MACROD2: variants seen among roughly 807,000 people sequenced by gnomAD.
The protein encoded by MACROD2 is ADP-ribose glycohydrolase MACROD2.
In MACROD2, 36 loss-of-function variants were observed where a neutral mutation model predicts 70.4. That is an observed-to-expected ratio of 0.51 (90% CI 0.39 to 0.68). MACROD2 has a LOEUF of 0.68. MACROD2 is among the 30% of genes least tolerant of loss of function. MACROD2 has a pLI of 0.00. For missense variants in MACROD2, 496 were observed against 538.4 expected, an observed-to-expected ratio of 0.92 and a Z score of 0.78; for synonymous variants, 172 against 178.8, an observed-to-expected ratio of 0.96 and a Z score of 0.30.
chr20:14,804,963 C>T (rs1477123311), intron 5 of MACROD2, among the ~76,000 whole-genome samples: 3 of 151,558 alleles, frequency 2.0e-5, no homozygotes, highest in Non-Finnish European at 2.9e-5. Context: ...TCTGGTGCCT[C>T]AACAATGAGT....
chr20:14,328,952 T>G (rs531378635), intron 3 of MACROD2: 40 of 152,226 alleles, frequency 2.6e-4, no homozygotes, highest in African/African-American at 9.4e-4. Context: ...GAAATTCTTA[T>G]TGGCTCTTCT....
At chr20:14,778,475 A>G (rs2072260726) in intron 5 of MACROD2, among the ~76,000 whole-genome samples, 1 of 151,926 alleles carries the variant, frequency 6.6e-6, no homozygotes, top group Admixed American at 6.6e-5. Context: ...CAGTGGCCTT[A>G]TCTGAAAAAT....
intron 10 of MACROD2, among the ~76,000 whole-genome samples, chr20:15,911,960 C>T (rs979462808): frequency 3.3e-5 from 5 of 152,146 alleles, no homozygotes; most frequent in African/African-American, 1.2e-4. Context: ...GAGCCGAGAT[C>T]GTGCCATTGC....
chr20:14,667,753 C>A (rs1170907182), intron 4 of MACROD2, among the ~76,000 whole-genome samples: 1 of 152,150 alleles, frequency 6.6e-6, no homozygotes, highest in Admixed American at 6.5e-5. Flanking sequence ...GAAGAATGAA[C>A]AAAACTTTCT....
intron 8 of MACROD2, among the ~76,000 whole-genome samples, chr20:15,682,189 G>A (rs1343365180): frequency 6.6e-6 from 1 of 152,140 alleles, no homozygotes; most frequent in African/African-American, 2.4e-5. Flanking sequence ...GTAGTTCAGG[G>A]GCAGAGCTAA....
chr20:16,034,678 A>G (rs956360258), intron 15 of MACROD2, among the ~76,000 whole-genome samples: 5 of 151,782 alleles, frequency 3.3e-5, no homozygotes, highest in East Asian at 1.9e-4. Context: ...TTATTTTTCC[A>G]TAAGTTATTG....
At chr20:14,804,642 G>A (rs2072616945) in intron 5 of MACROD2, among the ~76,000 whole-genome samples, 1 of 151,960 alleles carries the variant, frequency 6.6e-6, no homozygotes, top group African/African-American at 2.4e-5. Flanking sequence ...CTGACCTGTG[G>A]TGGGGTCTTC....
intron 3 of MACROD2, among the ~76,000 whole-genome samples, chr20:14,254,136 G>T (rs570978117): frequency 6.6e-6 from 1 of 151,814 alleles, no homozygotes; most frequent in Non-Finnish European, 1.5e-5. Context: ...TTTATGAAAC[G>T]AATTTATTTA....
At chr20:15,866,062 T>C (rs1189901804) in intron 9 of MACROD2, among the ~76,000 whole-genome samples, 1 of 152,122 alleles carries the variant, frequency 6.6e-6, no homozygotes, top group East Asian at 1.9e-4. Flanking sequence ...GAAGTTTAAG[T>C]AGGCCAAAGG....
intron 6 of MACROD2, among the ~76,000 whole-genome samples, chr20:15,317,438 T>C (rs1443761014): frequency 1.3e-5 from 2 of 151,930 alleles, no homozygotes; most frequent in Non-Finnish European, 2.9e-5. Context: ...TGTTCTCCAG[T>C]GAAACAGAGC....
intron 4 of MACROD2, among the ~76,000 whole-genome samples, chr20:14,655,374 G>T (rs998881172): frequency 6.6e-6 from 1 of 151,014 alleles, no homozygotes; most frequent in African/African-American, 2.5e-5. Flanking sequence ...GGGTGTGCTT[G>T]TGTGTGTTCC....
At chr20:14,772,066 G>A (rs932168489) in intron 5 of MACROD2, among the ~76,000 whole-genome samples, 2 of 151,906 alleles carry the variant, frequency 1.3e-5, no homozygotes, top group African/African-American at 2.4e-5. Context: ...TTTAAAAAGC[G>A]TCCGCCATCC....
chr20:15,460,662 CA>C (rs1182403164), intron 7 of MACROD2, among the ~76,000 whole-genome samples: 5 of 152,116 alleles, frequency 3.3e-5, no homozygotes, highest in Non-Finnish European at 5.9e-5. Context: ...TTCAGCCCTT[CA>C]AAACCTATGT....
chr20:15,178,624 A>G (rs1169647832), intron 5 of MACROD2, among the ~76,000 whole-genome samples: 1 of 152,184 alleles, frequency 6.6e-6, no homozygotes, highest in Non-Finnish European at 1.5e-5. Flanking sequence ...TCTCTGCATG[A>G]GTCCTTGCTC....
intron 5 of MACROD2, among the ~76,000 whole-genome samples, chr20:15,128,961 C>G (rs562375238): frequency 5.9e-5 from 9 of 151,740 alleles, no homozygotes; most frequent in Non-Finnish European, 1.3e-4. Flanking sequence ...TTTAATGCTT[C>G]CTTCTTGTTT....
intron 9 of MACROD2, among the ~76,000 whole-genome samples, chr20:15,869,238 T>TATATATATATATATATAGAGAGAGAGAG: frequency 1.8e-4 from 5 of 28,296 alleles, no homozygotes; most frequent in East Asian, 9.4e-4. Flanking sequence ...TATATATATA[T>TATATATATATATATATAGAGAGAGAGAG]AGAGAGAGAG....
intron 7 of MACROD2, among the ~76,000 whole-genome samples, chr20:15,491,983 G>A (rs910409675): frequency 2.5e-4 from 38 of 152,168 alleles, no homozygotes; most frequent in Admixed American, 1.6e-3. Context: ...CTCTCTTAAC[G>A]ACAGACTGTG....
chr20:15,006,091 A>G (rs1054380933), intron 5 of MACROD2, among the ~76,000 whole-genome samples: 11 of 151,690 alleles, frequency 7.3e-5, no homozygotes, highest in Admixed American at 5.3e-4. Context: ...TACAGAAGTT[A>G]TCTCCAGGAC....
intron 6 of MACROD2, among the ~76,000 whole-genome samples, chr20:15,340,514 C>G (rs1474850089): frequency 6.6e-6 from 1 of 152,124 alleles, no homozygotes; most frequent in Non-Finnish European, 1.5e-5. Flanking sequence ...CAACAGTACT[C>G]TGCTCGGGCT....
Sources: allele counts gnomAD v4.1 joint callset (sites outside exome capture counted in the v4.1 genomes callset), GRCh38; gene constraint gnomAD v4.1.1; transcripts MANE v1.5; gene names NCBI Gene and HGNC (gene_info 2026-07-23, HGNC 2026-07-21).